The following YWHAE variants were observed in gnomAD, a reference collection of about 807,000 sequenced individuals.
YWHAE encodes the protein tyrosine 3-monooxygenase/tryptophan 5-monooxygenase activation protein epsilon.
Under a neutral mutation model 30.1 loss-of-function variants are expected in YWHAE, and 4 were observed. The ratio of observed to expected loss-of-function variants is 0.13; its 90% CI spans 0.07 to 0.30. The LOEUF is 0.30. Among genes scored for constraint, YWHAE ranks in the 10% least tolerant of loss-of-function variants. YWHAE has a pLI of 1.00. For missense variants in YWHAE, 121 were observed against 315.9 expected, an observed-to-expected ratio of 0.38 and a Z score of 4.68; for synonymous variants, 118 against 111.8, an observed-to-expected ratio of 1.06 and a Z score of -0.35.
chr17:1,365,858 T>G (rs1024683887), intron 1 of YWHAE, among the ~76,000 whole-genome samples: 4 of 152,172 alleles, frequency 2.6e-5, no homozygotes, highest in Non-Finnish European at 5.9e-5. Context: ...CTCATACCCC[T>G]AGCACTTTGA....
chr17:1,388,118 G>GTTTTTTTTTTTTTTTTTTTTTTTTTTTT (rs1297503908), intron 1 of YWHAE, among the ~76,000 whole-genome samples: 1 of 15,504 alleles, frequency 6.4e-5, no homozygotes, highest in Non-Finnish European at 9.3e-5. Flanking sequence ...TTTTTGGTTG[G>GTTTTTTTTTTTTTTTTTTTTTTTTTTTT]TTTTTTTTTT....
chr17:1,377,327 T>C (rs892630513), intron 1 of YWHAE, among the ~76,000 whole-genome samples: 1 of 152,170 alleles, frequency 6.6e-6, no homozygotes, highest in Admixed American at 6.6e-5. Flanking sequence ...TCTGAGCTTT[T>C]AGCCATCACA....
chr17:1,368,623 T>C (rs2072983247), intron 1 of YWHAE, among the ~76,000 whole-genome samples: 2 of 151,792 alleles, frequency 1.3e-5, no homozygotes, highest in South Asian at 4.2e-4. Flanking sequence ...AATTCATTTG[T>C]AGGAGTCTGA....
intron 4 of YWHAE, among the ~76,000 whole-genome samples, 178 bp from the exon 5 acceptor site, chr17:1,354,525 T>A (rs578096237): frequency 1.3e-5 from 2 of 152,344 alleles, no homozygotes; most frequent in East Asian, 3.9e-4. Context: ...CACTACTTCT[T>A]ACTATGCTTT....
At chr17:1,356,836 G>A (rs1396611767) in intron 4 of YWHAE, among the ~76,000 whole-genome samples, 2 of 151,582 alleles carry the variant, frequency 1.3e-5, no homozygotes, top group Non-Finnish European at 1.5e-5. Context: ...CAAGCGCAGT[G>A]AAGCATGCCT....
chr17:1,383,168 T>C (rs1162428128), intron 1 of YWHAE, among the ~76,000 whole-genome samples: 7 of 151,588 alleles, frequency 4.6e-5, no homozygotes, highest in East Asian at 2.0e-4. Context: ...CTGACCAACA[T>C]AGAGAAACCC....
chr17:1,371,942 G>A (rs1472420814), intron 1 of YWHAE, among the ~76,000 whole-genome samples: 4 of 151,016 alleles, frequency 2.6e-5, no homozygotes, highest in African/African-American at 9.8e-5. Flanking sequence ...GGGCTGAAGC[G>A]ATTCTCCTGC....
chr17:1,351,291 T>G (rs2072627170), intron 5 of YWHAE, among the ~76,000 whole-genome samples: 1 of 151,108 alleles, frequency 6.6e-6, no homozygotes, highest in African/African-American at 2.4e-5. Flanking sequence ...GGCAGGAGAA[T>G]CACTTGAACC....
chr17:1,356,606 T>C (rs1437344656), intron 4 of YWHAE, among the ~76,000 whole-genome samples: 1 of 152,202 alleles, frequency 6.6e-6, no homozygotes, highest in East Asian at 1.9e-4. Context: ...ATTAGCTAAA[T>C]AGCCACAGCT....
chr17:1,398,881 C>CA (rs1186749422), intron 1 of YWHAE: 1 of 152,116 alleles, frequency 6.6e-6, no homozygotes, highest in Non-Finnish European at 1.5e-5. Flanking sequence ...AATATTTCTA[C>CA]ATAAACCCAT....
intron 1 of YWHAE, among the ~76,000 whole-genome samples, chr17:1,382,974 G>T (rs561130785): frequency 2.6e-5 from 4 of 151,082 alleles, no homozygotes; most frequent in African/African-American, 9.7e-5. Flanking sequence ...GCAGTGAGCT[G>T]ACCTCATGCC....
At chr17:1,379,872 T>C (rs1367441674) in intron 1 of YWHAE, among the ~76,000 whole-genome samples, 2 of 152,206 alleles carry the variant, frequency 1.3e-5, no homozygotes, top group Non-Finnish European at 2.9e-5. Flanking sequence ...ATACTTTGTG[T>C]TCAGTACGGT....
chr17:1,385,619 T>C (rs568241149), intron 1 of YWHAE, among the ~76,000 whole-genome samples: 8 of 151,614 alleles, frequency 5.3e-5, no homozygotes, highest in Non-Finnish European at 1.0e-4. Context: ...AAAAACAAAG[T>C]AGGTTTTTCA....
At chr17:1,368,884 G>A (rs2072987336) in intron 1 of YWHAE, among the ~76,000 whole-genome samples, 1 of 152,124 alleles carries the variant, frequency 6.6e-6, no homozygotes, top group African/African-American at 2.4e-5. Context: ...ATTACATACA[G>A]AAAAACTATG....
chr17:1,389,738 G>C (rs902495309), intron 1 of YWHAE, among the ~76,000 whole-genome samples: 4 of 151,858 alleles, frequency 2.6e-5, no homozygotes, highest in Non-Finnish European at 5.9e-5. Context: ...CACTGTGTTA[G>C]CCAGGATGGT....
intron 1 of YWHAE, among the ~76,000 whole-genome samples, chr17:1,384,783 G>A (rs915730228): frequency 6.6e-6 from 1 of 151,984 alleles, no homozygotes; most frequent in African/African-American, 2.4e-5. Context: ...TCGGCTCACT[G>A]CAACCTCCGC....
chr17:1,381,657 T>C (rs1270608800), intron 1 of YWHAE, among the ~76,000 whole-genome samples: 1 of 152,120 alleles, frequency 6.6e-6, no homozygotes, highest in Non-Finnish European at 1.5e-5. Context: ...GGCTCAGGCC[T>C]GTAATCCCAG....
chr17:1,389,781 C>T (rs1259108640), intron 1 of YWHAE, among the ~76,000 whole-genome samples: 3 of 152,050 alleles, frequency 2.0e-5, no homozygotes, highest in Non-Finnish European at 2.9e-5. Context: ...CCGCCCGCCT[C>T]GGCCTCCCAA....
chr17:1,398,175 ATT>A (rs1451811131), intron 1 of YWHAE, among the ~76,000 whole-genome samples: 2 of 152,188 alleles, frequency 1.3e-5, no homozygotes, highest in African/African-American at 2.4e-5. Context: ...TTCAAGTACA[ATT>A]TGTTTCCTCC....
Sources: gnomAD v4.1 joint callset for allele counts (sites outside exome capture counted in the v4.1 genomes callset) on GRCh38, gnomAD v4.1.1 for gene constraint, MANE v1.5 for transcripts, NCBI Gene and HGNC (gene_info 2026-07-23, HGNC 2026-07-21) for gene names.